Variants in ZNF275 observed in about 807,000 individuals in gnomAD.
ZNF275 encodes the protein zinc finger protein 275.
Under a neutral mutation model 4.3 loss-of-function variants are expected in ZNF275, and 4 were observed. The ratio of observed to expected loss-of-function variants is 0.93; its 90% CI spans 0.46 to 2.13. The LOEUF (loss-of-function observed/expected upper bound fraction) is 2.13. Ranked by LOEUF, ZNF275 falls within the 30% of genes most tolerant of loss-of-function variation. ZNF275 has a pLI of 0.02. For missense variants in ZNF275, 352 were observed against 397.1 expected (o/e 0.89, Z 0.97); for synonymous variants, 173 against 166.9 (o/e 1.04, Z -0.28).
Position 153,351,804 on chromosome X carries a change from T to G in ZNF275, c.*3829T>G, listed in dbSNP as rs1280613379. ...TTGCAGCGGGCATGTTTTTGAGTGGTGTTGCATTCCATGTGCTTGATTTTG... is the reference window on the plus strand; with the variant it reads ...TTGCAGCGGGCATGTTTTTGAGTGGGGTTGCATTCCATGTGCTTGATTTTG... On this transcript the variant is annotated 3_prime_UTR_variant, in exon 4 of 4. Coordinates refer to ENST00000650114, the MANE Select transcript of ZNF275 (RefSeq NM_001367757.1). The G allele has an allele frequency of 1.3e-4, 15 of 111,872 alleles. No individual in the cohort carries two copies. The highest frequency in any genetic ancestry group is 4.5e-4 in the African/African-American group (14 of 30,778). The allele number at this position is 111,872 out of a possible 1,213,427, so 9.2% of individuals were successfully genotyped here. A position where few individuals can be genotyped will look rare whatever the true frequency, so the allele number is the denominator to read the frequency against.
In ZNF275 at chrX:153,347,365, A is replaced by G. The variant is rs2088524848; in HGVS notation, c.680A>G (p.His227Arg). ...SFKVNTHLFR[H>R]QKLHTSEKPF... ...AAAGTCAACACCCACCTCTTCCGAC[A>G]TCAGAAACTTCACACTTCGGAAAAG... The change falls in exon 4 of 4, where the codon CAT (histidine) becomes CGT (arginine). Residue 227 changes from histidine to arginine, a missense_variant. By Grantham distance (29) the His-to-Arg change is conservative. Transcript: ENST00000650114. The G allele has an allele frequency of 9.1e-6, 11 of 1,211,119 alleles. No homozygotes were observed. Among genetic ancestry groups the G allele is most frequent in the African/African-American group, 3.5e-5 (2 of 57,569 alleles).
intron 2 of ZNF275, among the ~76,000 whole-genome samples, chrX:153,342,280 C>A (rs1217824381): frequency 1.8e-5 from 2 of 111,776 alleles, no homozygotes; most frequent in Admixed American, 9.5e-5. Flanking sequence ...CCATTTGGTT[C>A]TTTTTATATC....
At chrX:153,343,148 T>C (rs1028635387) in intron 2 of ZNF275, among the ~76,000 whole-genome samples, 1 of 112,976 alleles carries the variant, frequency 8.9e-6, no homozygotes, top group Admixed American at 9.3e-5. Context: ...TTTCTACTTA[T>C]TTATGGCACG....
At chrX:153,342,513 G>A (rs1186056926) in intron 2 of ZNF275, among the ~76,000 whole-genome samples, 1 of 111,678 alleles carries the variant, frequency 9.0e-6, no homozygotes, top group Non-Finnish European at 1.9e-5. Context: ...CTGGATTTGG[G>A]GTGGTAGTTA....
intron 1 of ZNF275, 83 bp from the exon 2 acceptor site, chrX:153,336,551 C>T: frequency 1.5e-6 from 1 of 660,474 alleles, no homozygotes; most frequent in Non-Finnish European, 2.4e-6. Context: ...CAGTTCAGTA[C>T]ATCCCCCAAA....
intron 2 of ZNF275, among the ~76,000 whole-genome samples, chrX:153,337,600 G>A (rs376860069): frequency 5.6e-4 from 63 of 112,562 alleles, no homozygotes; most frequent in African/African-American, 1.8e-3. Flanking sequence ...ACTCACATGA[G>A]CTTTCATGTT....
Position 153,347,280 on chromosome X carries a change from C to T in ZNF275, c.595C>T (p.His199Tyr), listed in dbSNP as rs2088523808. Reference sequence around the variant, plus strand: ...TAAGAAGAATGCAGGCCTGAGTCAGCATCTGAGGGTCCACAGCAGAGAGAA... The same window carrying T: ...TAAGAAGAATGCAGGCCTGAGTCAGTATCTGAGGGTCCACAGCAGAGAGAA... ...RFKKNAGLSQ[H>Y]LRVHSREKPF... Residue 199 changes from histidine (H) to tyrosine (Y), a missense_variant, in exon 4 of 4, where the codon CAT becomes TAT. His to Tyr is a moderately conservative substitution (Grantham distance 83). Transcript: ENST00000650114. 1 of 1,211,864 alleles carries T rather than the reference C, an allele frequency of 8.3e-7. No homozygotes were observed. The highest frequency in any genetic ancestry group is 1.1e-6 in the Non-Finnish European group (1 of 895,432).
chrX:153,352,414 C>T lies in ZNF275; in HGVS notation c.*4439C>T, dbSNP rs1455018259. The T allele has an allele frequency of 3.6e-5, 4 of 111,752 alleles. No individual in the cohort carries two copies. Among genetic ancestry groups the T allele is most frequent in the Non-Finnish European group, 7.5e-5 (4 of 53,097 alleles). 9.2% of individuals were successfully genotyped at this position (111,752 alleles called of 1,213,427 possible). A position where few individuals can be genotyped will look rare whatever the true frequency, so the allele number is the denominator to read the frequency against. ...ACGTATATTGTTCCTTTACTGAACC[C>T]ACCACATGCGGGCCATAAAATGAGT... On this transcript the variant is annotated 3_prime_UTR_variant, in exon 4 of 4. Coordinates refer to ENST00000650114, the MANE Select transcript of ZNF275 (RefSeq NM_001367757.1).
intron 2 of ZNF275, among the ~76,000 whole-genome samples, chrX:153,342,788 A>G (rs2088487277): frequency 8.9e-6 from 1 of 112,423 alleles, no homozygotes; most frequent in African/African-American, 3.2e-5. Flanking sequence ...CACTCTATGC[A>G]TGCATGGGCC....
At chrX:153,341,801 G>C (rs112049493) in intron 2 of ZNF275, among the ~76,000 whole-genome samples, 2,099 of 112,384 alleles carry the variant, frequency 0.019, 48 homozygotes, top group African/African-American at 0.065. Context: ...CTGATAAGAA[G>C]TTAGTAATTA....
In ZNF275 at chrX:153,347,771, T is replaced by C. The variant is rs367712946; in HGVS notation, c.1086T>C (p.Ser362=). ...GTGGCAAGGCCTTCCGTGGGCCCTC[T>C]GACCTCATCAAGCACCGGCGCATCC... ...GECGKAFRGP[S]DLIKHRRIHS... is the part of the protein sequence containing the mutation. The change falls in exon 4 of 4, where the codon TCT becomes TCC. Residue 362 remains serine (S), a synonymous_variant. Transcript: ENST00000650114. The C allele has an allele frequency of 5.0e-6, 6 of 1,206,665 alleles. No homozygotes were observed. In the East Asian group the frequency reaches 1.5e-4, roughly 30 times the overall value.
chrX:153,340,599 T>C (rs782749664), intron 2 of ZNF275, among the ~76,000 whole-genome samples: 1 of 112,522 alleles, frequency 8.9e-6, no homozygotes, highest in Non-Finnish European at 1.9e-5. Context: ...ACCAAGAAAA[T>C]TCAGCTTGGT....
At chrX:153,337,809 T>TA (rs1487470992) in intron 2 of ZNF275, among the ~76,000 whole-genome samples, 1 of 112,094 alleles carries the variant, frequency 8.9e-6, no homozygotes, top group Non-Finnish European at 1.9e-5. Flanking sequence ...TCAGATCCCA[T>TA]TGAAAGAAGG....
chrX:153,343,453 A>G, intron 2 of ZNF275: 1 of 347,971 alleles, frequency 2.9e-6, no homozygotes, highest in Non-Finnish European at 5.6e-6. Flanking sequence ...TTGGAAGAAG[A>G]AGATAATTTG....
chrX:153,347,223 C>T lies in ZNF275; in HGVS notation c.538C>T (p.Pro180Ser). 8.3e-7 allele frequency: 1 copy of T among 1,210,409 alleles called. No homozygotes were observed. Among genetic ancestry groups the T allele is most frequent in the Non-Finnish European group, 1.1e-6 (1 of 894,606 alleles). Residue 180 changes from proline (P) to serine (S), a missense_variant, in exon 4 of 4, where the codon CCC becomes TCC. Coordinates refer to ENST00000650114, the MANE Select transcript of ZNF275 (RefSeq NM_001367757.1). ...KREQMEREAKPFECEECGKRF... is the reference protein window; with the variant it reads ...KREQMEREAKSFECEECGKRF... ...GGAGCAGATGGAGAGGGAGGCAAAG[C>T]CCTTCGAGTGCGAGGAGTGCGGAAA...
Position 153,347,939 on chromosome X carries a change from G to C in ZNF275, c.1254G>C (p.Ser418=), listed in dbSNP as rs782000537. ...SQCGRVFKRR[S]ALQKHQPTHH... ...GTGGCCGCGTGTTCAAGAGGCGCTCGGCACTGCAGAAGCATCAGCCAACCC... is the reference window on the plus strand; with the variant it reads ...GTGGCCGCGTGTTCAAGAGGCGCTCCGCACTGCAGAAGCATCAGCCAACCC... The change falls in exon 4 of 4, where the codon TCG becomes TCC. Residue 418 remains serine, a synonymous_variant. Coordinates refer to ENST00000650114, the MANE Select transcript of ZNF275 (RefSeq NM_001367757.1). 1.1e-5 allele frequency: 13 copies of C among 1,145,568 alleles called. No individual in the cohort carries two copies. Among genetic ancestry groups the C allele is most frequent in the Non-Finnish European group, 2.3e-6 (2 of 860,654 alleles). 94.4% of individuals were successfully genotyped at this position (1,145,568 alleles called of 1,213,427 possible).
At chrX:153,339,334 G>A (rs902877879) in intron 2 of ZNF275, among the ~76,000 whole-genome samples, 4 of 111,025 alleles carry the variant, frequency 3.6e-5, no homozygotes, top group Admixed American at 1.9e-4. Context: ...AGACTATGAC[G>A]GGGACTAGAG....
Position 153,352,046 on chromosome X carries a change from A to C in ZNF275, c.*4071A>C, listed in dbSNP as rs1344365187. ...TTCCAGATCTGAAATGCAAACAAGG[A>C]AACAGAAGCTTCTAGGCATCAGAAG... On this transcript the variant is annotated 3_prime_UTR_variant, in exon 4 of 4. Transcript: ENST00000650114. 1 of 112,188 alleles carries C rather than the reference A, an allele frequency of 8.9e-6. No individual in the cohort carries two copies. The highest frequency in any genetic ancestry group is 1.9e-5 in the Non-Finnish European group (1 of 53,252). 9.2% of individuals were successfully genotyped at this position (112,188 alleles called of 1,213,427 possible).
In ZNF275 at chrX:153,349,436, A is replaced by G. The variant is rs186844271; in HGVS notation, c.*1461A>G. ...TGGTGTTTCTGTTTTTTGCATGCAA[A>G]TGGTCCGTTCATCTCCTTTGACTAG... is the stretch of plus-strand genomic sequence containing the variant. On this transcript the variant is annotated 3_prime_UTR_variant, in exon 4 of 4. Coordinates refer to ENST00000650114, the MANE Select transcript of ZNF275 (RefSeq NM_001367757.1). 52 of 123,933 alleles carry G rather than the reference A, an allele frequency of 4.2e-4. No homozygotes were observed. The highest frequency in any genetic ancestry group is 1.6e-3 in the African/African-American group (51 of 31,020). 10.2% of individuals were successfully genotyped at this position (123,933 alleles called of 1,213,427 possible). A position where few individuals can be genotyped will look rare whatever the true frequency, so the allele number is the denominator to read the frequency against.
Sources: allele counts gnomAD v4.1 joint callset (sites outside exome capture counted in the v4.1 genomes callset), GRCh38; gene constraint gnomAD v4.1.1; transcripts MANE v1.5; gene names NCBI Gene and HGNC (gene_info 2026-07-23, HGNC 2026-07-21).